The following UTRN variants were observed in gnomAD, a reference collection of about 807,000 sequenced individuals.
UTRN encodes the protein utrophin, also known as dystrophin-related protein 1.
In UTRN, 283 loss-of-function variants were observed where a neutral mutation model predicts 463.9. The ratio of observed to expected loss-of-function variants is 0.61; its 90% CI spans 0.55 to 0.67. UTRN has a LOEUF of 0.67. UTRN is among the 30% of genes least tolerant of loss of function. UTRN has a pLI of 0.00. For synonymous variants in UTRN, 1,442 were observed against 1,431.5 expected (o/e 1.01, Z -0.17); for missense variants, 3,922 against 4,084.3 (o/e 0.96, Z 1.08).
chr6:144,672,565 G>A (rs1562742288), intron 51 of UTRN, among the ~76,000 whole-genome samples: 1 of 151,750 alleles, frequency 6.6e-6, no homozygotes, highest in Non-Finnish European at 1.5e-5. Context: ...TTCTTTTCTT[G>A]GTTAATCATG....
intron 2 of UTRN, among the ~76,000 whole-genome samples, chr6:144,299,650 G>A (rs903973273): frequency 2.0e-5 from 3 of 152,214 alleles, no homozygotes; most frequent in East Asian, 1.9e-4. Flanking sequence ...CTTGCTGTGA[G>A]TGTAACATCA....
chr6:144,699,650 G>A lies in UTRN; in HGVS notation c.7653-437G>A, dbSNP rs776622524. Among the ~76,000 whole-genome samples the A allele has an allele frequency of 4.7e-5, 7 of 150,244 alleles. No individual in the cohort carries two copies. The East Asian group carries it at 7.8e-4, about 17-fold the overall frequency. On this transcript the variant is annotated intron_variant, in intron 52 of 74. Coordinates refer to ENST00000367545, the MANE Select transcript of UTRN (RefSeq NM_007124.3). ...GAGAAAAAAATATATTTGGATGTGC[G>A]TATATACTATACATAAACTATCAAA...
At chr6:144,393,014 TCC>T (rs1782076301) in intron 2 of UTRN, among the ~76,000 whole-genome samples, 1 of 117,928 alleles carries the variant, frequency 8.5e-6, no homozygotes, top group Admixed American at 8.1e-5. Flanking sequence ...CATCCATCCA[TCC>T]ATCCATCCAT....
At chr6:144,522,955 C>A in intron 40 of UTRN, 61 bp from the exon 41 acceptor site, 2 of 1,248,320 alleles carry the variant, frequency 1.6e-6, no homozygotes, top group Non-Finnish European at 2.2e-6. Flanking sequence ...ATCTGGTCAT[C>A]TGTGATTCCT....
intron 2 of UTRN, chr6:144,344,360 T>C (rs1208206142): frequency 1.5e-6 from 2 of 1,302,858 alleles, no homozygotes; most frequent in Non-Finnish European, 2.0e-6. Context: ...AAGAAACGTC[T>C]ATGAAGACAG....
chr6:144,394,422 T>C (rs1245172953), intron 2 of UTRN, among the ~76,000 whole-genome samples: 2 of 152,150 alleles, frequency 1.3e-5, no homozygotes, highest in Non-Finnish European at 1.5e-5. Context: ...ACAAGAACAG[T>C]ATGGGGTAAA....
chr6:144,628,371 A>T (rs1256299098), intron 51 of UTRN, among the ~76,000 whole-genome samples: 1 of 152,054 alleles, frequency 6.6e-6, no homozygotes, highest in Non-Finnish European at 1.5e-5. Context: ...GTATTCTTTT[A>T]TTATTGTACT....
Position 144,286,193 on chromosome 6 carries a change from G to C in UTRN, c.-93+372G>C, listed in dbSNP as rs1425742046. Among the ~76,000 whole-genome samples, 1 of 152,236 alleles carries C rather than the reference G, an allele frequency of 6.6e-6. No individual in the cohort carries two copies. Among genetic ancestry groups the C allele is most frequent in the Non-Finnish European group, 1.5e-5 (1 of 68,036 alleles). On this transcript the variant is annotated intron_variant, in intron 1 of 74. Coordinates refer to ENST00000367545, the MANE Select transcript of UTRN (RefSeq NM_007124.3). The surrounding 1 kb of genome is among the most constrained non-coding windows in gnomAD (Gnocchi z 4.4). ...CAGAGTCGCCCTCCGTGCATCGCGCGGTGCAGGGCGCTGGGCCAGTGATTT... is the reference window on the plus strand; with the variant it reads ...CAGAGTCGCCCTCCGTGCATCGCGCCGTGCAGGGCGCTGGGCCAGTGATTT...
chr6:144,850,978 C>T lies in UTRN; in HGVS notation c.10294-11C>T, dbSNP rs767098913. 1 of 1,613,540 alleles carries T rather than the reference C, an allele frequency of 6.2e-7. No individual in the cohort carries two copies. Among genetic ancestry groups the T allele is most frequent in the South Asian group, 1.1e-5 (1 of 91,068 alleles). ...GCAAATTTCTGACAGTGCTATTTTCCCTTCCCATAGGCAATGTGAAGTATT... is the reference window on the plus strand; with the variant it reads ...GCAAATTTCTGACAGTGCTATTTTCTCTTCCCATAGGCAATGTGAAGTATT... On this transcript the variant is annotated splice_polypyrimidine_tract_variant and intron_variant, in intron 74 of 74. Transcript: ENST00000367545.
chr6:144,301,103 C>G (rs1805206456), intron 2 of UTRN, among the ~76,000 whole-genome samples: 1 of 152,048 alleles, frequency 6.6e-6, no homozygotes, highest in African/African-American at 2.4e-5. Context: ...CTAGTTTACT[C>G]TGTTACCTCA....
chr6:144,713,737 A>G (rs926932184), intron 53 of UTRN, among the ~76,000 whole-genome samples: 4 of 151,914 alleles, frequency 2.6e-5, no homozygotes, highest in African/African-American at 4.8e-5. Flanking sequence ...CCTGACCAAC[A>G]TGGAGAAACC....
At position 144,533,210 on chromosome 6, in the gene UTRN, A is replaced by C. The variant is rs748422180; in HGVS notation, c.6183A>C (p.Leu2061Phe). 3 of 1,614,062 alleles carry C rather than the reference A, an allele frequency of 1.9e-6. No homozygotes were observed. In the African/African-American group the frequency reaches 4.0e-5, roughly 22 times the overall value. Reference protein sequence around the residue: ...GSFLKEKLAGLNQRWDAIVAE... With the variant: ...GSFLKEKLAGFNQRWDAIVAE... The stretch of plus-strand genomic sequence containing the variant: ...TCTTGAAAGAAAAACTGGCAGGTTT[A>C]AACCAACGCTGGGATGCAATTGTTG... The change falls in exon 43 of 75, where the codon TTA (leucine) becomes TTC (phenylalanine). Residue 2061 changes from leucine (L) to phenylalanine (F), a missense_variant. Transcript: ENST00000367545.
chr6:144,732,237 T>TATATAC (rs1314919610), intron 54 of UTRN, among the ~76,000 whole-genome samples: 3 of 87,346 alleles, frequency 3.4e-5, no homozygotes, highest in South Asian at 3.4e-4. Context: ...TATATATATA[T>TATATAC]ACATATATAT....
intron 53 of UTRN, chr6:144,708,495 G>A: frequency 2.1e-6 from 1 of 475,908 alleles, no homozygotes; most frequent in Non-Finnish European, 3.9e-6. Context: ...GTTCTTCTAG[G>A]ATCTAAGACA....
At position 144,352,668 on chromosome 6, in the gene UTRN, C is replaced by T. The variant is rs113289208; in HGVS notation, c.80-50455C>T. Among the ~76,000 whole-genome samples, 680 of 152,252 alleles carry T rather than the reference C, an allele frequency of 4.5e-3. 6 individuals are homozygous for T. Among genetic ancestry groups the T allele is most frequent in the African/African-American group, 0.015 (620 of 41,552 alleles). ...CTTGAGATTGCATTCTGTATATTTG[C>T]TGAATTTGTTACTAGGCCTTACGCT... On this transcript the variant is annotated intron_variant, in intron 2 of 74. Coordinates refer to ENST00000367545, the MANE Select transcript of UTRN (RefSeq NM_007124.3).
intron 58 of UTRN, among the ~76,000 whole-genome samples, chr6:144,768,107 A>G (rs1793565679): frequency 6.6e-6 from 1 of 152,186 alleles, no homozygotes. Flanking sequence ...AGCCTATCAA[A>G]AGTGCATGTC....
intron 35 of UTRN, among the ~76,000 whole-genome samples, chr6:144,512,268 C>T (rs1451871610): frequency 2.0e-5 from 3 of 151,936 alleles, no homozygotes; most frequent in Non-Finnish European, 4.4e-5. Context: ...TAATTACTAG[C>T]TTTATTTCAC....
chr6:144,369,198 A>G (rs1196773093), intron 2 of UTRN, among the ~76,000 whole-genome samples: 3 of 152,212 alleles, frequency 2.0e-5, no homozygotes, highest in African/African-American at 7.2e-5. Flanking sequence ...ATATTTGTTT[A>G]TTCATTTCTA....
chr6:144,690,189 A>C (rs1424655164), intron 52 of UTRN, among the ~76,000 whole-genome samples: 1 of 137,286 alleles, frequency 7.3e-6, no homozygotes, highest in African/African-American at 2.8e-5. Flanking sequence ...AGGCAAGTCC[A>C]TGCTCTGGCT....
Sources: allele counts gnomAD v4.1 joint callset (sites outside exome capture counted in the v4.1 genomes callset), GRCh38; gene constraint gnomAD v4.1.1; non-coding constraint Gnocchi (gnomAD v3.1); transcripts MANE v1.5; gene names NCBI Gene and HGNC (gene_info 2026-07-23, HGNC 2026-07-21).